TG: variants seen among roughly 807,000 people sequenced by gnomAD.
TG encodes the protein thyroid hormones.
Under a neutral mutation model 324.7 loss-of-function variants are expected in TG, and 270 were observed. The observed-to-expected ratio is 0.83, with a 90% confidence interval of 0.75 to 0.92. The LOEUF is 0.92. Among genes scored for constraint, TG ranks in the 40% least tolerant of loss-of-function variants. TG has a pLI of 0.00. For synonymous variants in TG, 1,401 were observed against 1,327.0 expected (o/e 1.06, Z -1.21); for missense variants, 3,591 against 3,456.4 (o/e 1.04, Z -0.98).
Position 133,057,981 on chromosome 8 carries a change from T to C in TG, c.7239+27958T>C, listed in dbSNP as rs560157094. Among the ~76,000 whole-genome samples the C allele has an allele frequency of 2.0e-5, 3 of 152,250 alleles. No individual in the cohort carries two copies. The East Asian group carries it at 5.8e-4, about 29-fold the overall frequency. ...CTGGCACTGAAGCTAATGTGGGAGCTGGCTCTAATTGCACATTGGCCTAAA... is the reference window on the plus strand; with the variant it reads ...CTGGCACTGAAGCTAATGTGGGAGCCGGCTCTAATTGCACATTGGCCTAAA... On this transcript the variant is annotated intron_variant, in intron 41 of 47. Transcript: ENST00000220616.
At chr8:132,942,935 G>C (rs1226670607) in intron 26 of TG, among the ~76,000 whole-genome samples, 2 of 152,200 alleles carry the variant, frequency 1.3e-5, no homozygotes, top group Non-Finnish European at 2.9e-5. Flanking sequence ...CAGGTTTTCT[G>C]AAGGCTATTA....
At position 132,908,188 on chromosome 8, in the gene TG, C is replaced by T. The variant is rs745433860; in HGVS notation, c.3850C>T (p.Pro1284Ser). ...QLPQPRACQR[P>S]QLWQTIQTQG... ...TGATCTCTGGTGCTTGCCTGCAGGG[C>T]CCCAGCTGTGGCAGACCATCCAGAC... Residue 1284 changes from proline (P) to serine (S), a missense_variant and splice_region_variant, in exon 18 of 48, where the codon CCC becomes TCC. Pro to Ser is a moderately conservative substitution (Grantham distance 74). Coordinates refer to ENST00000220616, the MANE Select transcript of TG (RefSeq NM_003235.5). 3.7e-6 allele frequency: 6 copies of T among 1,613,866 alleles called. No homozygotes were observed. The East Asian group carries it at 1.1e-4, about 30-fold the overall frequency.
chr8:133,086,710 T>G (rs543673168), intron 41 of TG, among the ~76,000 whole-genome samples: 7 of 152,206 alleles, frequency 4.6e-5, no homozygotes, highest in African/African-American at 1.7e-4. Flanking sequence ...TATTTACAAT[T>G]TGTAATGCAC....
intron 8 of TG, among the ~76,000 whole-genome samples, chr8:132,884,757 T>C (rs939464894): frequency 1.3e-5 from 2 of 152,234 alleles, no homozygotes; most frequent in Non-Finnish European, 2.9e-5. Context: ...AGATAGATCA[T>C]ATATTTTCAA....
chr8:133,070,037 A>C (rs1350410652), intron 41 of TG, among the ~76,000 whole-genome samples: 3 of 150,854 alleles, frequency 2.0e-5, no homozygotes, highest in African/African-American at 7.3e-5. Flanking sequence ...GAAAGAAAGA[A>C]AGAAAAGAAA....
chr8:133,116,251 G>A (rs58098452), intron 44 of TG, among the ~76,000 whole-genome samples: 1 of 152,260 alleles, frequency 6.6e-6, no homozygotes, highest in East Asian at 1.9e-4. Flanking sequence ...ACTGTATATT[G>A]CATTTACGTT....
intron 41 of TG, among the ~76,000 whole-genome samples, chr8:133,065,938 G>A (rs866239522): frequency 2.0e-4 from 30 of 152,294 alleles, no homozygotes; most frequent in Middle Eastern, 3.4e-3. Flanking sequence ...TTCCAGCGGG[G>A]ATGAGGGGTG....
At chr8:133,038,508 T>G in intron 41 of TG, 1 of 1,571,362 alleles carries the variant, frequency 6.4e-7, no homozygotes, top group Non-Finnish European at 8.8e-7. Context: ...GCATGAACCA[T>G]TGTGTCTGTT....
intron 41 of TG, chr8:133,037,079 C>G (rs1048869029): frequency 1.3e-5 from 2 of 152,162 alleles, no homozygotes; most frequent in African/African-American, 4.8e-5. Flanking sequence ...ATACACATAC[C>G]AGTAGCACGA....
intron 34 of TG, among the ~76,000 whole-genome samples, chr8:132,974,864 A>G (rs1388911539): frequency 6.6e-6 from 1 of 152,172 alleles, no homozygotes; most frequent in African/African-American, 2.4e-5. Context: ...TGTGTGCCTC[A>G]ACTTCATGGA....
At chr8:132,916,839 C>A (rs994726265) in intron 20 of TG, among the ~76,000 whole-genome samples, 3 of 152,164 alleles carry the variant, frequency 2.0e-5, no homozygotes, top group African/African-American at 7.2e-5. Context: ...TTTTCATATT[C>A]CATTCTGGAT....
intron 35 of TG, among the ~76,000 whole-genome samples, chr8:132,988,131 A>T (rs571795383): frequency 6.6e-6 from 1 of 151,910 alleles, no homozygotes; most frequent in African/African-American, 2.4e-5. Context: ...TTAGGTCTCC[A>T]GACAAGTCTA....
Position 132,888,373 on chromosome 8 carries a change from C to T in TG, c.2566C>T (p.Gln856Ter). The T allele has an allele frequency of 6.2e-7, 1 of 1,614,214 alleles. No individual in the cohort carries two copies. The highest frequency in any genetic ancestry group is 8.5e-7 in the Non-Finnish European group (1 of 1,180,044). Residue 856 changes from glutamine to a stop codon, truncating the protein, a stop_gained, in exon 10 of 48, where the codon CAG becomes TAG. Coordinates refer to ENST00000220616, the MANE Select transcript of TG (RefSeq NM_003235.5). LOFTEE classifies it high-confidence loss of function. Reference sequence around the variant, plus strand: ...AGCAGCACTGGAAGGGAAACGGCCCCAGCCCAGGGAGAATATCCTCCTGGA... The same window carrying T: ...AGCAGCACTGGAAGGGAAACGGCCCTAGCCCAGGGAGAATATCCTCCTGGA... ...PLAALEGKRPQPRENILLEPY... is the reference protein window; with the variant it reads ...PLAALEGKRP
At chr8:133,089,565 G>A (rs1285731684) in intron 41 of TG, among the ~76,000 whole-genome samples, 1 of 152,008 alleles carries the variant, frequency 6.6e-6, no homozygotes, top group African/African-American at 2.4e-5. Flanking sequence ...ACTTAGTCTG[G>A]GATTTAATGA....
chr8:132,966,065 G>A (rs11995141), intron 29 of TG, among the ~76,000 whole-genome samples: 40,362 of 152,090 alleles, frequency 0.27, 6,424 homozygotes, highest in East Asian at 0.48. Flanking sequence ...TACCATTTTG[G>A]AGAGAGGCTG....
chr8:132,898,958 G>A (rs763017600), intron 14 of TG, 48 bp downstream of exon 14: 5 of 1,488,904 alleles, frequency 3.4e-6, no homozygotes, highest in Non-Finnish European at 4.6e-6. Context: ...GTCCCCGCTG[G>A]TCAGAGATGA....
chr8:133,009,126 T>G (rs1834273852), intron 35 of TG, among the ~76,000 whole-genome samples: 1 of 152,202 alleles, frequency 6.6e-6, no homozygotes, highest in South Asian at 2.1e-4. Context: ...ATTATAGTGC[T>G]TTCTCCCAGA....
At chr8:132,895,901 C>T (rs887134437) in intron 11 of TG, among the ~76,000 whole-genome samples, 1 of 152,200 alleles carries the variant, frequency 6.6e-6, no homozygotes, top group Non-Finnish European at 1.5e-5. Context: ...AAGTTCCTCT[C>T]CAAGTAGCCA....
intron 11 of TG, among the ~76,000 whole-genome samples, chr8:132,896,195 A>G (rs1416047106): frequency 6.6e-6 from 1 of 152,230 alleles, no homozygotes; most frequent in Non-Finnish European, 1.5e-5. Context: ...GACCCATTCC[A>G]TAGATGAGGA....
Sources: gnomAD v4.1 joint callset for allele counts (sites outside exome capture counted in the v4.1 genomes callset) on GRCh38, gnomAD v4.1.1 for gene constraint, MANE v1.5 for transcripts, NCBI Gene and HGNC (gene_info 2026-07-23, HGNC 2026-07-21) for gene names.